The following GABBR2 variants were observed in gnomAD, a reference collection of about 807,000 sequenced individuals.
GABBR2 encodes G-protein coupled receptor 51.
GABBR2 carries 23 observed loss-of-function variants against 105.6 expected under a neutral mutation model. The observed-to-expected ratio is 0.22, with a 90% CI of 0.16 to 0.31. The LOEUF is 0.31. Ranked by LOEUF, GABBR2 falls within the 10% of genes least tolerant of loss-of-function variation. GABBR2 has a pLI of 1.00. For synonymous variants in GABBR2, 478 were observed against 499.7 expected, an observed-to-expected ratio of 0.96 and a Z score of 0.58; for missense variants, 734 against 1,245.5, an observed-to-expected ratio of 0.59 and a Z score of 6.18.
intron 3 of GABBR2, among the ~76,000 whole-genome samples, chr9:98,508,162 T>G (rs55816307): frequency 0.35 from 52,513 of 152,066 alleles, 9,328 homozygotes; most frequent in Middle Eastern, 0.5. Flanking sequence ...GAATAGAAAC[T>G]TCTATAGGAA....
chr9:98,593,390 G>C (rs138723548), intron 1 of GABBR2, among the ~76,000 whole-genome samples: 1 of 152,230 alleles, frequency 6.6e-6, no homozygotes, highest in Non-Finnish European at 1.5e-5. Flanking sequence ...AGGGCAGGGC[G>C]TGGGGAGGGG....
rs551450876 is a variant in GABBR2, at chr9:98,468,347, A to C, written c.999+4799T>G. Among the ~76,000 whole-genome samples the C allele has an allele frequency of 3.3e-5, 5 of 152,234 alleles. No individual in the cohort carries two copies. In the South Asian group the frequency reaches 1.0e-3, roughly 32 times the overall value. ...TCTGCCCTTTTCTGTGACTTTGTCT[A>C]TCGGGAGTCAGCTGTATCCTGGGAG... On this transcript the variant is annotated intron_variant, in intron 6 of 18. Coordinates refer to ENST00000259455, the MANE Select transcript of GABBR2 (RefSeq NM_005458.8).
At chr9:98,641,077 TAC>T (rs1829954380) in intron 1 of GABBR2, among the ~76,000 whole-genome samples, 1 of 151,848 alleles carries the variant, frequency 6.6e-6, no homozygotes, top group Admixed American at 6.6e-5. Context: ...TTGAGGCACT[TAC>T]AGAGTCTGAT....
intron 3 of GABBR2, among the ~76,000 whole-genome samples, chr9:98,530,890 A>G (rs1213560755): frequency 6.6e-6 from 1 of 151,828 alleles, no homozygotes; most frequent in African/African-American, 2.4e-5. Flanking sequence ...ACATTTTCCT[A>G]CTCCCAAGGT....
At chr9:98,696,319 G>A (rs1272916313) in intron 1 of GABBR2, among the ~76,000 whole-genome samples, 1 of 152,252 alleles carries the variant, frequency 6.6e-6, no homozygotes, top group East Asian at 1.9e-4. Flanking sequence ...TGGGCCTGAA[G>A]AAGAGAGGGA....
intron 1 of GABBR2, among the ~76,000 whole-genome samples, chr9:98,681,851 C>T (rs516930): frequency 0.92 from 140,751 of 152,190 alleles, 65,242 homozygotes; most frequent in Middle Eastern, 0.97. Context: ...CCATGGAGTA[C>T]TTGCAGGACT....
intron 6 of GABBR2, among the ~76,000 whole-genome samples, chr9:98,472,540 A>G (rs1179691604): frequency 3.9e-5 from 6 of 152,188 alleles, no homozygotes; most frequent in African/African-American, 7.2e-5. Context: ...GGGGGTTATC[A>G]CAGATATAGA....
intron 2 of GABBR2, among the ~76,000 whole-genome samples, chr9:98,553,590 C>CAAAAAGAGGAAA (rs1409599594): frequency 6.6e-6 from 1 of 151,716 alleles, no homozygotes; most frequent in Non-Finnish European, 1.5e-5. Context: ...GACCCCTTCT[C>CAAAAAGAGGAAA]AAAAAGAGGA....
chr9:98,357,507 G>A lies in GABBR2; in HGVS notation c.1893+5208C>T, dbSNP rs543139608. ...TACAAAAAATACAAAAATTAATGGG[G>A]TGTGGTGGCGCATGCCTGTAGTCCC... On this transcript the variant is annotated intron_variant, in intron 13 of 18. Coordinates refer to ENST00000259455, the MANE Select transcript of GABBR2 (RefSeq NM_005458.8). Among the ~76,000 whole-genome samples the A allele has an allele frequency of 1.1e-3, 166 of 152,134 alleles. 1 individual carries two copies. The highest frequency in any genetic ancestry group is 3.9e-3 in the African/African-American group (161 of 41,534).
intron 3 of GABBR2, among the ~76,000 whole-genome samples, chr9:98,507,567 T>G (rs1025459707): frequency 6.6e-6 from 1 of 152,174 alleles, no homozygotes; most frequent in South Asian, 2.1e-4. Flanking sequence ...AGATAATAAT[T>G]TGTGTTGTTT....
Position 98,638,356 on chromosome 9 carries a change from C to T in GABBR2, c.322-60284G>A, listed in dbSNP as rs946722880. 3.3e-5 allele frequency among the ~76,000 whole-genome samples: 5 copies of T among 152,110 alleles called. No homozygotes were observed. The East Asian group carries it at 9.6e-4, about 29-fold the overall frequency. On this transcript the variant is annotated intron_variant, in intron 1 of 18. Transcript: ENST00000259455. ...CTAGGTCAAACCCATCAGGTTAAAG[C>T]TGGGGAGAATAAGATCCAAAGAGAA...
At chr9:98,421,405 C>A (rs1442156827) in intron 7 of GABBR2, among the ~76,000 whole-genome samples, 1 of 152,190 alleles carries the variant, frequency 6.6e-6, no homozygotes, top group Non-Finnish European at 1.5e-5. Context: ...GTCCAGCTCC[C>A]TATTCCATTA....
intron 1 of GABBR2, among the ~76,000 whole-genome samples, chr9:98,622,695 AG>A (rs1829686242): frequency 6.6e-6 from 1 of 152,108 alleles, no homozygotes; most frequent in Non-Finnish European, 1.5e-5. Context: ...GTGCCCCCCC[AG>A]CCCCATGTGG....
At chr9:98,489,546 A>G (rs1278831430) in intron 4 of GABBR2, among the ~76,000 whole-genome samples, 1 of 152,190 alleles carries the variant, frequency 6.6e-6, no homozygotes, top group Non-Finnish European at 1.5e-5. Flanking sequence ...TCATTAAAAG[A>G]TAGAGAGTTC....
At chr9:98,669,899 G>C (rs1830385651) in intron 1 of GABBR2, among the ~76,000 whole-genome samples, 1 of 148,782 alleles carries the variant, frequency 6.7e-6, no homozygotes, top group Admixed American at 6.7e-5. Context: ...CCTTGAGAAG[G>C]TAATGTTTGA....
intron 1 of GABBR2, among the ~76,000 whole-genome samples, chr9:98,641,701 G>C (rs752940313): frequency 5.9e-5 from 9 of 152,152 alleles, no homozygotes; most frequent in Non-Finnish European, 1.2e-4. Flanking sequence ...TTAATTTTAG[G>C]TAGAGGTCCT....
chr9:98,563,540 C>A (rs1828707551), intron 2 of GABBR2, among the ~76,000 whole-genome samples: 1 of 152,124 alleles, frequency 6.6e-6, no homozygotes, highest in Non-Finnish European at 1.5e-5. Flanking sequence ...TCCCTGTGCC[C>A]AATCCTCTAG....
At chr9:98,688,537 G>GA (rs1339538009) in intron 1 of GABBR2, among the ~76,000 whole-genome samples, 1 of 152,014 alleles carries the variant, frequency 6.6e-6, no homozygotes, top group Non-Finnish European at 1.5e-5. Flanking sequence ...TTATCTCATT[G>GA]AAAAATCATT....
At chr9:98,674,515 C>T (rs542909157) in intron 1 of GABBR2, among the ~76,000 whole-genome samples, 2 of 152,148 alleles carry the variant, frequency 1.3e-5, no homozygotes, top group African/African-American at 4.8e-5. Context: ...GAAAAAAATC[C>T]CCACCGCAGG....
Sources: gnomAD v4.1 joint callset for allele counts (sites outside exome capture counted in the v4.1 genomes callset) on GRCh38, gnomAD v4.1.1 for gene constraint, MANE v1.5 for transcripts, NCBI Gene and HGNC (gene_info 2026-07-23, HGNC 2026-07-21) for gene names.